The following NTM variants were observed in gnomAD, a reference collection of about 807,000 sequenced individuals.
NTM encodes the protein neurotrimin, also known as IgLON family member 2.
Under a neutral mutation model 42.1 loss-of-function variants are expected in NTM, and 13 were observed. That is an observed-to-expected ratio of 0.31 (90% confidence interval 0.20 to 0.49). NTM has a LOEUF of 0.49. Among genes scored for constraint, NTM ranks in the 20% least tolerant of loss-of-function variants. The pLI is 0.99. For synonymous variants in NTM, 187 were observed against 179.2 expected, an observed-to-expected ratio of 1.04 and a Z score of -0.35; for missense variants, 373 against 452.8, an observed-to-expected ratio of 0.82 and a Z score of 1.60.
At chr11:132,064,433 A>C (rs570173648) in intron 2 of NTM, among the ~76,000 whole-genome samples, 1 of 152,322 alleles carries the variant, frequency 6.6e-6, no homozygotes, top group Admixed American at 6.5e-5. Context: ...ACATGCATTG[A>C]AATATGGAAT....
intron 7 of NTM, chr11:132,314,949 T>C (rs578247043): frequency 5.0e-6 from 6 of 1,209,248 alleles, no homozygotes; most frequent in Non-Finnish European, 6.2e-6. Context: ...AGTATATGTA[T>C]AGTACATGTA....
At chr11:131,784,260 AC>A (rs1307460665) in intron 1 of NTM, among the ~76,000 whole-genome samples, 1 of 152,110 alleles carries the variant, frequency 6.6e-6, no homozygotes, top group Non-Finnish European at 1.5e-5. Context: ...CCATACAATA[AC>A]ATATGACCTA....
At chr11:131,484,562 C>A (rs1565551057) in intron 1 of NTM, among the ~76,000 whole-genome samples, 1 of 152,128 alleles carries the variant, frequency 6.6e-6, no homozygotes, top group African/African-American at 2.4e-5. Context: ...GAGGCTGATG[C>A]ATTTGGCCCT....
chr11:131,899,382 A>T (rs1346455607), intron 1 of NTM, among the ~76,000 whole-genome samples: 3 of 152,220 alleles, frequency 2.0e-5, no homozygotes, highest in African/African-American at 4.8e-5. Context: ...ATTTTTAAAA[A>T]TGCCTTTACC....
chr11:131,627,714 C>T (rs1337441801), intron 1 of NTM, among the ~76,000 whole-genome samples: 1 of 151,980 alleles, frequency 6.6e-6, no homozygotes, highest in East Asian at 1.9e-4. Context: ...GCCTGTGGTC[C>T]CACCTACCCT....
chr11:131,622,464 T>C (rs1028042636), intron 1 of NTM, among the ~76,000 whole-genome samples: 4 of 152,182 alleles, frequency 2.6e-5, no homozygotes. Flanking sequence ...GGGGAAAGAA[T>C]GAACAAATAA....
At chr11:131,978,917 T>C (rs1422209045) in intron 2 of NTM, among the ~76,000 whole-genome samples, 1 of 152,160 alleles carries the variant, frequency 6.6e-6, no homozygotes, top group Non-Finnish European at 1.5e-5. Flanking sequence ...TAACATTCTG[T>C]GGCAGATAAG....
intron 1 of NTM, chr11:131,660,840 T>C: frequency 8.2e-7 from 1 of 1,221,716 alleles, no homozygotes; most frequent in Admixed American, 3.3e-5. Flanking sequence ...TCACTCATTG[T>C]TACAGTTTCA....
intron 2 of NTM, among the ~76,000 whole-genome samples, chr11:132,009,238 G>T (rs2071532088): frequency 6.6e-6 from 1 of 152,184 alleles, no homozygotes; most frequent in African/African-American, 2.4e-5. Context: ...CAAGAGTCCT[G>T]TAAGTTAATT....
chr11:132,086,742 G>T (rs2059766517), intron 2 of NTM, among the ~76,000 whole-genome samples: 1 of 152,228 alleles, frequency 6.6e-6, no homozygotes, highest in Non-Finnish European at 1.5e-5. Context: ...TTTGCACAGG[G>T]AGAGAGGGGC....
chr11:132,107,306 A>T (rs1054162539), intron 2 of NTM, among the ~76,000 whole-genome samples: 1 of 146,960 alleles, frequency 6.8e-6, no homozygotes, highest in African/African-American at 2.5e-5. Flanking sequence ...CAATGGGCTA[A>T]TGTAGAATGG....
chr11:131,410,898 T>C lies in NTM; in HGVS notation c.82+40010T>C, dbSNP rs542358411. Among the ~76,000 whole-genome samples, 7 of 152,304 alleles carry C rather than the reference T, an allele frequency of 4.6e-5. No homozygotes were observed. In the South Asian group the frequency reaches 1.4e-3, roughly 32 times the overall value. The stretch of plus-strand genomic sequence containing the variant: ...AAAAAATTGTAACCACAGGCATAAA[T>C]GGGTTAAAAGCCTCCCAGGATGCCC... On this transcript the variant is annotated intron_variant, in intron 1 of 8. Transcript: ENST00000683400.
At chr11:131,649,771 C>T (rs7131299) in intron 1 of NTM, among the ~76,000 whole-genome samples, 3,551 of 152,222 alleles carry the variant, frequency 0.023, 142 homozygotes, top group African/African-American at 0.079. Context: ...CCATGAATAA[C>T]CAATAATTTT....
chr11:132,078,211 T>C (rs980157401), intron 2 of NTM, among the ~76,000 whole-genome samples: 2 of 152,232 alleles, frequency 1.3e-5, no homozygotes, highest in Admixed American at 1.3e-4. Flanking sequence ...CTTGCCTACA[T>C]AGGCTTAGTT....
intron 2 of NTM, among the ~76,000 whole-genome samples, chr11:131,989,304 A>G (rs545143283): frequency 6.6e-6 from 1 of 152,274 alleles, no homozygotes; most frequent in South Asian, 2.1e-4. Context: ...AAACACTTTC[A>G]TATACATTTC....
chr11:132,298,549 T>C (rs1034819698), intron 4 of NTM, among the ~76,000 whole-genome samples: 3 of 152,122 alleles, frequency 2.0e-5, no homozygotes, highest in Non-Finnish European at 4.4e-5. Context: ...AAGCCACATC[T>C]GCAAAGAAAA....
chr11:132,193,089 A>G (rs2079574874), intron 3 of NTM, among the ~76,000 whole-genome samples: 1 of 152,206 alleles, frequency 6.6e-6, no homozygotes, highest in African/African-American at 2.4e-5. Context: ...CATTAGACAG[A>G]TCATTGAGGC....
intron 1 of NTM, among the ~76,000 whole-genome samples, chr11:131,488,062 G>A (rs1013225866): frequency 2.0e-5 from 3 of 152,156 alleles, no homozygotes; most frequent in African/African-American, 7.2e-5. Context: ...GTGGGTAAAA[G>A]AGCCACTGCC....
At chr11:132,314,070 AATTAGATTACCAGGT>A (rs1218045490) in intron 6 of NTM, among the ~76,000 whole-genome samples, 1 of 151,902 alleles carries the variant, frequency 6.6e-6, no homozygotes, top group Non-Finnish European at 1.5e-5. Context: ...CTTCAGGAGA[AATTAGATTACCAGGT>A]GCTCGAAAAA....
Sources: allele counts gnomAD v4.1 joint callset (sites outside exome capture counted in the v4.1 genomes callset), GRCh38; gene constraint gnomAD v4.1.1; transcripts MANE v1.5; gene names NCBI Gene and HGNC (gene_info 2026-07-23, HGNC 2026-07-21).